Variants in GSAP observed in about 807,000 individuals in gnomAD.
GSAP encodes the protein gamma-secretase activating protein, also known as gamma-secretase-activating protein.
Under a neutral mutation model 131.7 loss-of-function variants are expected in GSAP, and 118 were observed. The ratio of observed to expected loss-of-function variants is 0.90; its 90% CI spans 0.77 to 1.04. The LOEUF (loss-of-function observed/expected upper bound fraction) is 1.04. Among genes scored for constraint, GSAP ranks in the 50% least tolerant of loss-of-function variants. The pLI, the probability that GSAP is intolerant of heterozygous loss-of-function variation, is 0.00. For synonymous variants in GSAP, 381 were observed against 363.4 expected (o/e 1.05, Z -0.55); for missense variants, 1,019 against 1,013.2 (o/e 1.01, Z -0.08).
chr7:77,401,144 A>C lies in GSAP; in HGVS notation c.243+3415T>G, dbSNP rs576319038. Among the ~76,000 whole-genome samples the C allele has an allele frequency of 2.0e-5, 3 of 152,264 alleles. 1 individual carries two copies. The South Asian group carries it at 6.2e-4, about 32-fold the overall frequency. On this transcript the variant is annotated intron_variant, in intron 3 of 30. Coordinates refer to ENST00000257626, the MANE Select transcript of GSAP (RefSeq NM_017439.4). ...TGTAATCAGAGTCCATAAAAAGAAA[A>C]GAGAAACAGATTGGAACTTTAAGAA...
chr7:77,404,645 A>T, intron 2 of GSAP, 30 bp from the exon 3 acceptor site: 1 of 1,250,228 alleles, frequency 8.0e-7, no homozygotes, highest in Non-Finnish European at 1.2e-6. Context: ...TGTTTATTAA[A>T]TGTCATTGTT....
intron 20 of GSAP, chr7:77,329,869 C>T (rs973754213): frequency 3.0e-5 from 5 of 169,050 alleles, no homozygotes; most frequent in Non-Finnish European, 5.1e-5. Context: ...CAGTGAGTCA[C>T]GTCCACTATT....
chr7:77,394,812 G>T (rs1259062180), intron 5 of GSAP, among the ~76,000 whole-genome samples: 2 of 152,210 alleles, frequency 1.3e-5, no homozygotes, highest in African/African-American at 4.8e-5. Flanking sequence ...CTTCCAAGCT[G>T]TACATGTGTA....
At chr7:77,401,244 G>A (rs76561635) in intron 3 of GSAP, among the ~76,000 whole-genome samples, 3,978 of 151,916 alleles carry the variant, frequency 0.026, 180 homozygotes, top group African/African-American at 0.092. Context: ...TTCAATAAGC[G>A]GAGTAAACCC....
chr7:77,330,665 A>G (rs1411105299), intron 19 of GSAP: 1 of 1,020,836 alleles, frequency 9.8e-7, no homozygotes, highest in African/African-American at 1.8e-5. Flanking sequence ...CCCCAGATTG[A>G]GGCTTAGCAG....
Position 77,314,492 on chromosome 7 carries a change from A to T in GSAP, c.2090-3T>A. 1 of 1,613,560 alleles carries T rather than the reference A, an allele frequency of 6.2e-7. No individual in the cohort carries two copies. Among genetic ancestry groups the T allele is most frequent in the Non-Finnish European group, 8.5e-7 (1 of 1,179,642 alleles). ...GATGGTGTGCAGAGTATGAAAACCTAGGATGAGAGATCTGGAGGGTAAACA... is the reference window on the plus strand; with the variant it reads ...GATGGTGTGCAGAGTATGAAAACCTTGGATGAGAGATCTGGAGGGTAAACA... On this transcript the variant is annotated splice_polypyrimidine_tract_variant and splice_region_variant and intron_variant, in intron 26 of 30. Transcript: ENST00000257626.
intron 19 of GSAP, among the ~76,000 whole-genome samples, chr7:77,344,844 G>A (rs990117821): frequency 6.6e-6 from 1 of 152,012 alleles, no homozygotes; most frequent in African/African-American, 2.4e-5. Flanking sequence ...CTCTCACCTA[G>A]CCATTTCTAA....
At position 77,374,092 on chromosome 7, in the gene GSAP, C is replaced by CA. The variant is rs1439773873; in HGVS notation, c.848dup (p.Cys284ValfsTer33). ...TACCTGTATGGTTGGTAAAAACACA[C>CA]AGAGTCAGGTGTTTGGAAAATTTAT... On this transcript the variant is annotated frameshift_variant, in exon 12 of 31. Transcript: ENST00000257626. LOFTEE classifies it high-confidence loss of function. 6.3e-7 allele frequency: 1 copy of CA among 1,580,066 alleles called. No homozygotes were observed. The highest frequency in any genetic ancestry group is 8.7e-7 in the Non-Finnish European group (1 of 1,152,440).
chr7:77,402,275 A>T (rs1801437105), intron 3 of GSAP, among the ~76,000 whole-genome samples: 1 of 151,002 alleles, frequency 6.6e-6, no homozygotes, highest in Non-Finnish European at 1.5e-5. Context: ...TAGGCCGGGC[A>T]CGGTGGCTCA....
intron 5 of GSAP, among the ~76,000 whole-genome samples, chr7:77,389,816 G>C (rs994748124): frequency 1.2e-4 from 18 of 152,194 alleles, no homozygotes; most frequent in Non-Finnish European, 2.1e-4. Context: ...GGATGGCTGG[G>C]TCAAATGGTA....
chr7:77,389,329 T>TTTTG (rs1490008589), intron 5 of GSAP, among the ~76,000 whole-genome samples: 3 of 134,108 alleles, frequency 2.2e-5, no homozygotes, highest in African/African-American at 3.9e-5. Flanking sequence ...TTTTGTTTTG[T>TTTTG]TTTTTGTTTC....
intron 12 of GSAP, among the ~76,000 whole-genome samples, chr7:77,364,668 G>A (rs12532015): frequency 0.31 from 47,070 of 151,810 alleles, 8,312 homozygotes; most frequent in African/African-American, 0.48. Context: ...AACTTAAAGT[G>A]TAATAATAAA....
intron 19 of GSAP, among the ~76,000 whole-genome samples, chr7:77,346,916 TC>T (rs1170982926): frequency 6.6e-6 from 1 of 151,494 alleles, no homozygotes; most frequent in Non-Finnish European, 1.5e-5. Flanking sequence ...GGCATGACTC[TC>T]CCCTCCACCA....
Position 77,377,400 on chromosome 7 carries a change from CAAAAAAAAAAAAA to C in GSAP, c.577-23_577-11del. 1 of 1,182,870 alleles carries C rather than the reference CAAAAAAAAAAAAA, an allele frequency of 8.5e-7. No individual in the cohort carries two copies. The highest frequency in any genetic ancestry group is 1.1e-6 in the Non-Finnish European group (1 of 931,570). The allele number at this position is 1,182,870 out of a possible 1,614,324, so 73.3% of individuals were successfully genotyped here. On this transcript the variant is annotated splice_polypyrimidine_tract_variant and intron_variant, in intron 8 of 30. Transcript: ENST00000257626. Reference sequence around the variant, plus strand: ...CAGAATTTTTAATCACCTAAAAATGCAAAAAAAAAAAAAAAAAAAAAAGTATGAATAACTTTTA... The same window carrying C: ...CAGAATTTTTAATCACCTAAAAATGCAAAAAAAAAGTATGAATAACTTTTA...
chr7:77,409,128 C>T (rs780945823), intron 1 of GSAP, among the ~76,000 whole-genome samples: 8 of 152,160 alleles, frequency 5.3e-5, no homozygotes, highest in African/African-American at 1.9e-4. Flanking sequence ...GTCAGACTCA[C>T]TTCACACTGA....
intron 12 of GSAP, among the ~76,000 whole-genome samples, chr7:77,366,149 G>T (rs1181897): frequency 6.6e-6 from 1 of 151,806 alleles, no homozygotes; most frequent in South Asian, 2.1e-4. Context: ...TTTGTCAGAT[G>T]CATAGTTTGC....
intron 26 of GSAP, among the ~76,000 whole-genome samples, chr7:77,316,706 C>G (rs904083298): frequency 4.6e-5 from 7 of 152,096 alleles, no homozygotes; most frequent in Admixed American, 4.6e-4. Flanking sequence ...TCCCTGATGA[C>G]CCTTCATCCT....
intron 24 of GSAP, 23 bp downstream of exon 24, chr7:77,323,624 G>A: frequency 2.4e-6 from 3 of 1,257,976 alleles, no homozygotes; most frequent in Non-Finnish European, 3.5e-6. Context: ...GGGCATATGA[G>A]GAGAATAAAA....
At chr7:77,372,767 A>G (rs1182846812) in intron 12 of GSAP, among the ~76,000 whole-genome samples, 3 of 152,232 alleles carry the variant, frequency 2.0e-5, no homozygotes, top group Non-Finnish European at 4.4e-5. Flanking sequence ...ATGACTTCTC[A>G]TCACTCTTAG....
Sources: gnomAD v4.1 joint callset for allele counts (sites outside exome capture counted in the v4.1 genomes callset) on GRCh38, gnomAD v4.1.1 for gene constraint, MANE v1.5 for transcripts, NCBI Gene and HGNC (gene_info 2026-07-23, HGNC 2026-07-21) for gene names.